PM20D2: variants seen among roughly 807,000 people sequenced by gnomAD.
PM20D2 encodes xaa-Arg dipeptidase.
In PM20D2, 33 loss-of-function variants were observed where a neutral mutation model predicts 42.9. The observed-to-expected ratio is 0.77, with a 90% confidence interval of 0.58 to 1.03. PM20D2 has a LOEUF of 1.03. PM20D2 is among the 50% of genes least tolerant of loss of function. The pLI is 0.00. For synonymous variants in PM20D2, 250 were observed against 228.2 expected, an observed-to-expected ratio of 1.10 and a Z score of -0.86; for missense variants, 548 against 557.0, an observed-to-expected ratio of 0.98 and a Z score of 0.16.
intron 5 of PM20D2, among the ~76,000 whole-genome samples, chr6:89,161,513 C>A (rs1771234043): frequency 6.6e-6 from 1 of 152,048 alleles, no homozygotes. Context: ...GAGTAGGTGG[C>A]AGTGTGGAGT....
At chr6:89,157,898 T>G (rs965413434) in intron 4 of PM20D2, among the ~76,000 whole-genome samples, 2 of 152,142 alleles carry the variant, frequency 1.3e-5, no homozygotes, top group Non-Finnish European at 2.9e-5. Context: ...TCCCAGCTAC[T>G]TGGGAGGCTA....
At chr6:89,126,862 A>G in the PM20D2 span, among the ~76,000 whole-genome samples, 2 of 152,160 alleles carry the variant, frequency 1.3e-5, no homozygotes, top group East Asian at 3.8e-4. Flanking sequence ...GTACACAATG[A>G]ACCTAAAATA....
At chr6:89,129,162 C>T in the PM20D2 span, among the ~76,000 whole-genome samples, 29 of 151,994 alleles carry the variant, frequency 1.9e-4, no homozygotes, top group Admixed American at 5.9e-4. Context: ...CAGGGGGCTG[C>T]CACCAAGATG....
At chr6:89,144,739 CAACT>C (rs554211138), upstream of PM20D2, among the ~76,000 whole-genome samples, 36 of 152,242 alleles carry the variant, frequency 2.4e-4, no homozygotes, top group Admixed American at 6.5e-4. Flanking sequence ...TTTTTTTAGC[CAACT>C]AACTGAGCAG....
In PM20D2 at chr6:89,152,970, A is replaced by G. The variant is rs1770904477; in HGVS notation, c.615-73A>G. On this transcript the variant is annotated intron_variant, in intron 2 of 6. Transcript: ENST00000275072. Reference sequence around the variant, plus strand: ...ATTAATTTTGAATAGTAGTTGGGTAATTCTGACTACCTGGATTTTCTTACT... The same window carrying G: ...ATTAATTTTGAATAGTAGTTGGGTAGTTCTGACTACCTGGATTTTCTTACT... The G allele has an allele frequency of 7.6e-6, 10 of 1,307,956 alleles. 1 individual carries two copies. The Middle Eastern group carries it at 2.3e-3, about 295-fold the overall frequency. The allele number at this position is 1,307,956 out of a possible 1,614,324, so 81.0% of individuals were successfully genotyped here.
the PM20D2 span, among the ~76,000 whole-genome samples, chr6:89,136,373 A>G: frequency 2.0e-5 from 3 of 151,200 alleles, no homozygotes; most frequent in Non-Finnish European, 4.4e-5. Flanking sequence ...TGATACTTAA[A>G]TCTTTTAAAA....
chr6:89,098,588 T>G, the PM20D2 span: 1 of 1,610,414 alleles, frequency 6.2e-7, no homozygotes. Flanking sequence ...TCACCAACTG[T>G]TTTTATGACG....
the PM20D2 span, among the ~76,000 whole-genome samples, chr6:89,117,248 T>C: frequency 1.3e-5 from 2 of 152,168 alleles, no homozygotes; most frequent in Admixed American, 6.5e-5. Flanking sequence ...ATCTCATTCA[T>C]TGAAGTTATT....
chr6:89,149,401 T>C lies in PM20D2; in HGVS notation c.602T>C (p.Met201Thr), dbSNP rs139094448. 86 of 1,613,990 alleles carry C rather than the reference T, an allele frequency of 5.3e-5. No individual in the cohort carries two copies. The African/African-American group carries it at 8.4e-4, about 16-fold the overall frequency. Residue 201 changes from methionine to threonine, a missense_variant, in exon 2 of 7, where the codon ATG (methionine) becomes ACG (threonine). Met to Thr is a moderately conservative substitution (Grantham distance 81). This residue lies in a region of PM20D2 where 470 missense variants were observed against 464.4 expected (regional missense o/e 1.01). Transcript: ENST00000275072. ...GAGAATGCTGCTTATCTACCAGATA[T>C]GGCTGAACATGAGTGAGTAATCAAG... ...SQENAAYLPDMAEHDVTVKYY... is the reference protein window; with the variant it reads ...SQENAAYLPDTAEHDVTVKYY...
chr6:89,148,037 G>C (rs1770667891), intron 1 of PM20D2, among the ~76,000 whole-genome samples: 1 of 144,520 alleles, frequency 6.9e-6, no homozygotes, highest in African/African-American at 2.6e-5. Context: ...GCCGAGTGCA[G>C]TGGTCCTATC....
intron 1 of PM20D2, among the ~76,000 whole-genome samples, chr6:89,147,566 C>T (rs1278258687): frequency 6.6e-6 from 1 of 151,880 alleles, no homozygotes; most frequent in Non-Finnish European, 1.5e-5. Context: ...GGAGAGATTT[C>T]GCTTCAACCA....
the PM20D2 span, among the ~76,000 whole-genome samples, chr6:89,095,113 C>T: frequency 3.3e-5 from 5 of 152,144 alleles, no homozygotes; most frequent in Non-Finnish European, 7.3e-5. Context: ...CGTGAAGATA[C>T]CCTGCACCAG....
chr6:89,122,585 G>A, the PM20D2 span, among the ~76,000 whole-genome samples: 2 of 152,128 alleles, frequency 1.3e-5, no homozygotes, highest in Non-Finnish European at 2.9e-5. Context: ...CAATACATCT[G>A]ATTAATATCT....
the PM20D2 span, chr6:89,098,636 T>A: frequency 1.2e-6 from 2 of 1,613,922 alleles, no homozygotes; most frequent in South Asian, 1.1e-5. Context: ...AAAATGAGAA[T>A]GCTTTGCTGT....
At chr6:89,114,799 TA>T in the PM20D2 span, among the ~76,000 whole-genome samples, 4 of 152,248 alleles carry the variant, frequency 2.6e-5, no homozygotes, top group Admixed American at 2.0e-4. Context: ...TTACTGCTTT[TA>T]TTTTTTTAGT....
chr6:89,124,670 GGAA>G, the PM20D2 span, among the ~76,000 whole-genome samples: 1 of 151,402 alleles, frequency 6.6e-6, no homozygotes. Context: ...GGAGAAGGAA[GGAA>G]GAATGCTAAA....
the PM20D2 span, chr6:89,097,674 C>G: frequency 4.0e-5 from 6 of 151,848 alleles, no homozygotes; most frequent in Non-Finnish European, 8.8e-5. Flanking sequence ...ATACAAGGTA[C>G]TAAACACTCT....
the PM20D2 span, among the ~76,000 whole-genome samples, chr6:89,112,101 C>T: frequency 2.0e-5 from 3 of 151,590 alleles, no homozygotes; most frequent in Non-Finnish European, 2.9e-5. Context: ...TCCTCCTCCC[C>T]GGTTCAAGAG....
At chr6:89,155,026 G>T in intron 4 of PM20D2, 124 bp downstream of exon 4, 1 of 841,018 alleles carries the variant, frequency 1.2e-6, no homozygotes, top group South Asian at 3.3e-5. Context: ...AAATGAATTG[G>T]CTGAATAGTT....
Sources: allele counts gnomAD v4.1 joint callset (sites outside exome capture counted in the v4.1 genomes callset), GRCh38; gene constraint gnomAD v4.1.1; regional missense constraint gnomAD v4.1.1; transcripts MANE v1.5; gene names NCBI Gene and HGNC (gene_info 2026-07-23, HGNC 2026-07-21).